Variants in IQCN observed in about 807,000 individuals in gnomAD.
The protein encoded by IQCN is IQ motif containing N.
In IQCN, 46 loss-of-function variants were observed where a neutral mutation model predicts 64.4. The observed-to-expected ratio is 0.71, with a 90% CI of 0.56 to 0.91. The LOEUF (loss-of-function observed/expected upper bound fraction) is 0.91, where lower values mean the gene tolerates loss of function less well. Among genes scored for constraint, IQCN ranks in the 40% least tolerant of loss-of-function variants. IQCN has a pLI of 0.00. For synonymous variants in IQCN, 733 were observed against 775.6 expected, an observed-to-expected ratio of 0.95 and a Z score of 0.91; for missense variants, 1,753 against 1,857.4, an observed-to-expected ratio of 0.94 and a Z score of 1.03.
intron 3 of IQCN, chr19:18,259,318 A>G (rs572141364): frequency 7.1e-6 from 1 of 141,148 alleles, no homozygotes; most frequent in Non-Finnish European, 1.5e-5. Context: ...GCTCTGAGCC[A>G]CACTAGAGGC....
chr19:18,264,278 C>T lies in IQCN; in HGVS notation c.3177+85G>A. The stretch of plus-strand genomic sequence containing the variant: ...AGCAGGGTGACCCCCACAAGATGGC[C>T]CCATCAATCCCCCATCTCCTCCAAG... On this transcript the variant is annotated intron_variant, in intron 3 of 3. Transcript: ENST00000392413. This position sits in a 1 kb window ranked among gnomAD's most constrained non-coding sequence, Gnocchi z 4.3. The T allele has an allele frequency of 8.5e-7, 1 of 1,181,872 alleles. No homozygotes were observed. The highest frequency in any genetic ancestry group is 1.6e-5 in the South Asian group (1 of 61,696). The allele number at this position is 1,181,872 out of a possible 1,614,324, so 73.2% of individuals were successfully genotyped here. A position where few individuals can be genotyped will look rare whatever the true frequency, so the allele number is the denominator to read the frequency against.
chr19:18,273,719 C>T (rs1050798017), intron 1 of IQCN, among the ~76,000 whole-genome samples: 3 of 152,140 alleles, frequency 2.0e-5, no homozygotes, highest in Non-Finnish European at 2.9e-5. Context: ...CACTTGAACC[C>T]GGGAGACAGC....
chr19:18,267,523 C>G lies in IQCN; in HGVS notation c.17G>C (p.Arg6Thr). Residue 6 changes from arginine (R) to threonine (T), a missense_variant, in exon 3 of 4, where the codon AGA becomes ACA. Transcript: ENST00000392413. ...GCCTTGATTACCGGACAGGTCAGCT[C>G]TGCCTGTGGGGGCGGCAGGGGGTGG... MTLQG[R>T]ADLSGNQGNA... The G allele has an allele frequency of 6.6e-7, 1 of 1,517,578 alleles. No individual in the cohort carries two copies. The highest frequency in any genetic ancestry group is 8.8e-7 in the Non-Finnish European group (1 of 1,135,254). The allele number at this position is 1,517,578 out of a possible 1,614,324, so 94.0% of individuals were successfully genotyped here. A position where few individuals can be genotyped will look rare whatever the true frequency, so the allele number is the denominator to read the frequency against.
chr19:18,264,899 A>G lies in IQCN; in HGVS notation c.2641T>C (p.Cys881Arg). 1 of 1,613,384 alleles carries G rather than the reference A, an allele frequency of 6.2e-7. No individual in the cohort carries two copies. The highest frequency in any genetic ancestry group is 8.5e-7 in the Non-Finnish European group (1 of 1,179,924). The stretch of plus-strand genomic sequence containing the variant: ...GCCAGCACACCAGCTACTTCAGCAC[A>G]CAAGGAGGCCAGCAGGGAGCCTACC... ...DTVGSLLASLCAEVAGVLASQ... is the reference protein window; with the variant it reads ...DTVGSLLASLRAEVAGVLASQ... The change falls in exon 3 of 4, where the codon TGT becomes CGT. Residue 881 changes from cysteine to arginine, a missense_variant. By Grantham distance (180) the Cys-to-Arg change is radical. Coordinates refer to ENST00000392413, the MANE Select transcript of IQCN (RefSeq NM_001145304.2). The surrounding 1 kb of genome is among the most constrained non-coding windows in gnomAD (Gnocchi z 4.3).
rs764166486 is a variant in IQCN, at chr19:18,265,692, T to C, written c.1848A>G (p.Thr616=). 9 of 1,614,070 alleles carry C rather than the reference T, an allele frequency of 5.6e-6. No homozygotes were observed. The highest frequency in any genetic ancestry group is 1.6e-4 in the Middle Eastern group (1 of 6,084). The change falls in exon 3 of 4, where the codon ACA becomes ACG. Residue 616 remains threonine, a synonymous_variant. Transcript: ENST00000392413. The surrounding 1 kb of genome is among the most constrained non-coding windows in gnomAD (Gnocchi z 4.7). The part of the protein sequence containing the change: ...IKTGTQKQAK[T]DMAFKTSVAV... ...CCACACTGGTCTTAAATGCCATGTCTGTTTTCGCCTGTTTCTGGGTGCCAG... is the reference window on the plus strand; with the variant it reads ...CCACACTGGTCTTAAATGCCATGTCCGTTTTCGCCTGTTTCTGGGTGCCAG...
Position 18,265,828 on chromosome 19 carries a change from G to A in IQCN, c.1712C>T (p.Ser571Phe). Residue 571 changes from serine (S) to phenylalanine (F), a missense_variant, in exon 3 of 4, where the codon TCC becomes TTC. By Grantham distance (155) the Ser-to-Phe change is radical. Transcript: ENST00000392413. The surrounding 1 kb of genome is among the most constrained non-coding windows in gnomAD (Gnocchi z 4.7). ...CTTCCCCTCAGCCAAATAGGAGGGG[G>A]ATGAGGCTTTCACCACCTTTGCAGC... ...KQAAKVVKAS[S>F]PSYLAEGKIR... 6.2e-7 allele frequency: 1 copy of A among 1,614,202 alleles called. No homozygotes were observed. Among genetic ancestry groups the A allele is most frequent in the South Asian group, 1.1e-5 (1 of 91,080 alleles).
chr19:18,265,380 T>C lies in IQCN; in HGVS notation c.2160A>G (p.Thr720=). ...DTCLSKMHSQ[T]HLATGAVKVQ... is the part of the protein sequence containing the mutation. ...CCTTCACGGCACCTGTGGCCAGATG[T>C]GTCTGGGAATGCATCTTGCTCAGAC... The change falls in exon 3 of 4, where the codon ACA becomes ACG. Residue 720 remains threonine, a synonymous_variant. Transcript: ENST00000392413. This position sits in a 1 kb window ranked among gnomAD's most constrained non-coding sequence, Gnocchi z 4.7. 1.9e-6 allele frequency: 3 copies of C among 1,614,164 alleles called. No individual in the cohort carries two copies. Among genetic ancestry groups the C allele is most frequent in the African/African-American group, 1.3e-5 (1 of 75,040 alleles).
rs564811766 is a variant in IQCN, at chr19:18,257,739, T to C, written c.3545A>G (p.His1182Arg). The change falls in exon 4 of 4, where the codon CAC becomes CGC. Residue 1182 changes from histidine to arginine, a missense_variant. Coordinates refer to ENST00000392413, the MANE Select transcript of IQCN (RefSeq NM_001145304.2). Reference sequence around the variant, plus strand: ...CGTGACGGGGTGGAGCATCTGCCAGTGCCGGGCTTGGTCCCGGCGGGTGCT... The same window carrying C: ...CGTGACGGGGTGGAGCATCTGCCAGCGCCGGGCTTGGTCCCGGCGGGTGCT... ...GYSTRRDQAR[H>R]WQMLHPVTWV... The C allele has an allele frequency of 1.1e-5, 17 of 1,611,024 alleles. No homozygotes were observed. The East Asian group carries it at 3.6e-4, about 34-fold the overall frequency.
chr19:18,264,404 A>C lies in IQCN; in HGVS notation c.3136T>G (p.Trp1046Gly), dbSNP rs1472842071. ...VACRRSPSAA[W>G]GPSLGPVRPQ... ...CTCACGGGGCCCAGGGAGGGCCCCCATGCGGCCGATGGACTCCTCCTGCAG... is the reference window on the plus strand; with the variant it reads ...CTCACGGGGCCCAGGGAGGGCCCCCCTGCGGCCGATGGACTCCTCCTGCAG... The change falls in exon 3 of 4, where the codon TGG becomes GGG. Residue 1046 changes from tryptophan to glycine, a missense_variant. Coordinates refer to ENST00000392413, the MANE Select transcript of IQCN (RefSeq NM_001145304.2). The surrounding 1 kb of genome is among the most constrained non-coding windows in gnomAD (Gnocchi z 4.3). 6.5e-7 allele frequency: 1 copy of C among 1,530,436 alleles called. No individual in the cohort carries two copies. The allele number at this position is 1,530,436 out of a possible 1,614,324, so 94.8% of individuals were successfully genotyped here.
At chr19:18,263,625 G>C (rs1452213431) in intron 3 of IQCN, among the ~76,000 whole-genome samples, 2 of 152,032 alleles carry the variant, frequency 1.3e-5, no homozygotes, top group Admixed American at 1.3e-4. Context: ...ACCCGGGGGG[G>C]CCTGTTTGCG....
chr19:18,263,361 G>A (rs1323092011), intron 3 of IQCN, among the ~76,000 whole-genome samples: 2 of 152,166 alleles, frequency 1.3e-5, no homozygotes, highest in South Asian at 2.1e-4. Flanking sequence ...TCGATCCTGT[G>A]GCAAACCACC....
At position 18,266,407 on chromosome 19, in the gene IQCN, G is replaced by A; in HGVS notation, c.1133C>T (p.Pro378Leu). The stretch of plus-strand genomic sequence containing the variant: ...TGTGGGCCCCGGATACATCTGGGCT[G>A]GGGTCTTGATTATTGTTACTTTGGG... Reference protein sequence around the residue: ...PVPKVTIIKTPAQMYPGPTVT... With the variant: ...PVPKVTIIKTLAQMYPGPTVT... The change falls in exon 3 of 4, where the codon CCA becomes CTA. Residue 378 changes from proline (P) to leucine (L), a missense_variant. Pro to Leu is a moderately conservative substitution (Grantham distance 98). Transcript: ENST00000392413. This position sits in a 1 kb window ranked among gnomAD's most constrained non-coding sequence, Gnocchi z 4.3. 2 of 1,594,790 alleles carry A rather than the reference G, an allele frequency of 1.3e-6. No homozygotes were observed. Among genetic ancestry groups the A allele is most frequent in the Non-Finnish European group, 8.5e-7 (1 of 1,171,188 alleles).
chr19:18,269,573 C>G lies in IQCN; in HGVS notation c.-95G>C. ...AGCCTTTCATCCATGCAATATGCAGCAACACTGCCCTGGGCTGGCTCAAGA... is the reference window on the plus strand; with the variant it reads ...AGCCTTTCATCCATGCAATATGCAGGAACACTGCCCTGGGCTGGCTCAAGA... On this transcript the variant is annotated 5_prime_UTR_variant, in exon 2 of 4. Coordinates refer to ENST00000392413, the MANE Select transcript of IQCN (RefSeq NM_001145304.2). The G allele has an allele frequency of 6.4e-6, 8 of 1,245,484 alleles. No homozygotes were observed. The highest frequency in any genetic ancestry group is 9.4e-6 in the Non-Finnish European group (8 of 852,078). 77.2% of individuals were successfully genotyped at this position (1,245,484 alleles called of 1,614,324 possible). A position where few individuals can be genotyped will look rare whatever the true frequency, so the allele number is the denominator to read the frequency against.
rs1327593288 is a variant in IQCN, at chr19:18,264,685, CG to C, written c.2854del (p.Arg952GlufsTer28). The C allele has an allele frequency of 1.3e-6, 2 of 1,551,072 alleles. No individual in the cohort carries two copies. Among genetic ancestry groups the C allele is most frequent in the Non-Finnish European group, 1.7e-6 (2 of 1,146,978 alleles). On this transcript the variant is annotated frameshift_variant, in exon 3 of 4. Transcript: ENST00000392413. LOFTEE classifies it high-confidence loss of function. This position sits in a 1 kb window ranked among gnomAD's most constrained non-coding sequence, Gnocchi z 4.3. ...CCGCAGCTCGCCCCGGGACAGGGCT[CG>C]GGACAGGGTCAGGCGCAGCTCACTC... ...SWSELRLTLS[R>X]ALSRGELRAE...
Position 18,265,490 on chromosome 19 carries a change from C to T in IQCN, c.2050G>A (p.Ala684Thr), listed in dbSNP as rs776124761. ...HPPCLSQRPL[A>T]APLTKASSQG... ...GATGAGGCCTTGGTCAGCGGGGCGG[C>T]CAGTGGTCTCTGGGACAGGCAGGGT... is the stretch of plus-strand genomic sequence containing the variant. Residue 684 changes from alanine to threonine, a missense_variant, in exon 3 of 4, where the codon GCC becomes ACC. Coordinates refer to ENST00000392413, the MANE Select transcript of IQCN (RefSeq NM_001145304.2). The surrounding 1 kb of genome is among the most constrained non-coding windows in gnomAD (Gnocchi z 4.7). 3 of 1,612,714 alleles carry T rather than the reference C, an allele frequency of 1.9e-6. No individual in the cohort carries two copies. In the South Asian group the frequency reaches 3.3e-5, roughly 18 times the overall value.
At chr19:18,273,087 G>A (rs1390532966) in intron 1 of IQCN, among the ~76,000 whole-genome samples, 1 of 151,220 alleles carries the variant, frequency 6.6e-6, no homozygotes, top group Non-Finnish European at 1.5e-5. Context: ...CTGAAGTGCA[G>A]TGGCACGATC....
chr19:18,264,100 A>C lies in IQCN; in HGVS notation c.3177+263T>G, dbSNP rs1361214678. Among the ~76,000 whole-genome samples, 1 of 152,100 alleles carries C rather than the reference A, an allele frequency of 6.6e-6. No homozygotes were observed. Among genetic ancestry groups the C allele is most frequent in the African/African-American group, 2.4e-5 (1 of 41,424 alleles). ...GTCGGGCATGCTTCTTCCTTTTGGA[A>C]CTTGGGGCTCAAATCCAGGTTTGAG... On this transcript the variant is annotated intron_variant, in intron 3 of 3. Coordinates refer to ENST00000392413, the MANE Select transcript of IQCN (RefSeq NM_001145304.2). This position sits in a 1 kb window ranked among gnomAD's most constrained non-coding sequence, Gnocchi z 4.3.
intron 3 of IQCN, chr19:18,260,466 C>G (rs1969400999): frequency 6.5e-6 from 1 of 152,730 alleles, no homozygotes; most frequent in South Asian, 2.1e-4. Flanking sequence ...GAGGCCATGA[C>G]ATGTACCACT....
At chr19:18,270,050 T>C (rs1281695423) in intron 1 of IQCN, among the ~76,000 whole-genome samples, 1 of 60,238 alleles carries the variant, frequency 1.7e-5, no homozygotes. Context: ...GAACTGTCTC[T>C]TAAAAAAAAA....
Sources: allele counts gnomAD v4.1 joint callset (sites outside exome capture counted in the v4.1 genomes callset), GRCh38; gene constraint gnomAD v4.1.1; non-coding constraint Gnocchi (gnomAD v3.1); transcripts MANE v1.5; gene names NCBI Gene and HGNC (gene_info 2026-07-23, HGNC 2026-07-21).